SERINC5: variants seen among roughly 807,000 people sequenced by gnomAD.
SERINC5 encodes chromosome 5 open reading frame 12.
Under a neutral mutation model 63.1 loss-of-function variants are expected in SERINC5, and 41 were observed. The ratio of observed to expected loss-of-function variants is 0.65; its 90% CI spans 0.51 to 0.84. SERINC5 has a LOEUF of 0.84. Among genes scored for constraint, SERINC5 ranks in the 40% least tolerant of loss-of-function variants. The pLI, the probability that SERINC5 is intolerant of heterozygous loss-of-function variation, is 0.00. For synonymous variants in SERINC5, 222 were observed against 215.2 expected (o/e 1.03, Z -0.28); for missense variants, 523 against 573.0 (o/e 0.91, Z 0.89).
At chr5:80,248,288 G>T (rs78487637) in intron 1 of SERINC5, among the ~76,000 whole-genome samples, 16,449 of 152,226 alleles carry the variant, frequency 0.11, 1,074 homozygotes, top group Middle Eastern at 0.17. Context: ...AAATATAGGT[G>T]ACTTGAACGA....
In SERINC5 at chr5:80,142,795, T is replaced by G. The variant is rs1427734460; in HGVS notation, c.*868A>C. The G allele has an allele frequency of 1.0e-6, 1 of 985,338 alleles. No homozygotes were observed. Among genetic ancestry groups the G allele is most frequent in the African/African-American group, 1.7e-5 (1 of 57,250 alleles). The allele number at this position is 985,338 out of a possible 1,614,324, so 61.0% of individuals were successfully genotyped here. A position where few individuals can be genotyped will look rare whatever the true frequency, so the allele number is the denominator to read the frequency against. ...TTCAGTTAAGGTCCTAAAAGTATTA[T>G]CATTATCAACAGCACAAACAAGTAA... is the stretch of plus-strand genomic sequence containing the variant. On this transcript the variant is annotated 3_prime_UTR_variant, in exon 12 of 12. Transcript: ENST00000507668.
At chr5:80,215,378 A>G (rs547214538) in intron 1 of SERINC5, among the ~76,000 whole-genome samples, 2 of 152,322 alleles carry the variant, frequency 1.3e-5, no homozygotes, top group Non-Finnish European at 2.9e-5. Flanking sequence ...AGAACCTGCT[A>G]TGCTTCCTGT....
intron 1 of SERINC5, among the ~76,000 whole-genome samples, chr5:80,251,860 C>T (rs562223543): frequency 1.3e-3 from 67 of 50,330 alleles, no homozygotes; most frequent in African/African-American, 2.5e-3. Context: ...AGAATGTTGG[C>T]GCATCTGCCT....
chr5:80,188,740 T>A (rs1748995716), intron 2 of SERINC5, among the ~76,000 whole-genome samples: 1 of 151,996 alleles, frequency 6.6e-6, no homozygotes, highest in Non-Finnish European at 1.5e-5. Flanking sequence ...GTAAAAAAAT[T>A]GGCCAGGCAT....
chr5:80,117,851 A>G (rs1017057106), intron 11 of SERINC5, among the ~76,000 whole-genome samples: 3 of 151,778 alleles, frequency 2.0e-5, no homozygotes, highest in African/African-American at 4.9e-5. Flanking sequence ...TCCAATTTCT[A>G]CCTAGTCTTC....
intron 2 of SERINC5, among the ~76,000 whole-genome samples, chr5:80,199,380 T>C (rs1189262439): frequency 6.6e-6 from 1 of 152,116 alleles, no homozygotes; most frequent in African/African-American, 2.4e-5. Flanking sequence ...AGTAAGAAAA[T>C]ACAGGGAAAG....
chr5:80,204,504 T>C (rs567598161), intron 1 of SERINC5, among the ~76,000 whole-genome samples: 32 of 152,272 alleles, frequency 2.1e-4, no homozygotes, highest in Admixed American at 3.9e-4. Context: ...ACCTTGACCA[T>C]AGGACATGCA....
downstream of SERINC5, among the ~76,000 whole-genome samples, chr5:80,137,327 C>T (rs1169188735): frequency 6.6e-6 from 1 of 151,782 alleles, no homozygotes; most frequent in African/African-American, 2.4e-5. Flanking sequence ...AGAATCAGCC[C>T]GAGTGTCCAC....
intron 7 of SERINC5, among the ~76,000 whole-genome samples, chr5:80,164,576 G>T (rs571746478): frequency 2.6e-5 from 4 of 151,782 alleles, no homozygotes; most frequent in Non-Finnish European, 4.4e-5. Context: ...TAGGGACAGG[G>T]TTTCACCATG....
At chr5:80,186,126 GAAAAAAAAAAA>G (rs10554934) in intron 2 of SERINC5, among the ~76,000 whole-genome samples, 980 of 61,452 alleles carry the variant, frequency 0.016, 26 homozygotes, top group African/African-American at 0.044. Context: ...TTCTTGTTTT[GAAAAAAAAAAA>G]AAAAAAAAAA....
chr5:80,152,736 T>A (rs1410507122), intron 8 of SERINC5, among the ~76,000 whole-genome samples: 2 of 150,638 alleles, frequency 1.3e-5, no homozygotes, highest in African/African-American at 4.9e-5. Context: ...AGGTCAGGAG[T>A]TCCAGACCAG....
At chr5:80,217,149 TAA>T (rs2112529193) in intron 1 of SERINC5, among the ~76,000 whole-genome samples, 1 of 151,854 alleles carries the variant, frequency 6.6e-6, no homozygotes, top group East Asian at 1.9e-4. Flanking sequence ...TTAATTAAAA[TAA>T]GTTTATTTAA....
chr5:80,148,136 T>C (rs554611987), intron 9 of SERINC5, among the ~76,000 whole-genome samples: 1 of 151,680 alleles, frequency 6.6e-6, no homozygotes, highest in African/African-American at 2.4e-5. Flanking sequence ...TGGGCAGGGA[T>C]GGAGGGAATG....
chr5:80,129,602 C>T (rs1318949723), intron 11 of SERINC5, among the ~76,000 whole-genome samples: 7 of 152,150 alleles, frequency 4.6e-5, no homozygotes, highest in Non-Finnish European at 1.0e-4. Context: ...AGCCACTGTG[C>T]CTGGCAACAG....
chr5:80,122,213 A>ATATATAT (rs1554057292), intron 11 of SERINC5, among the ~76,000 whole-genome samples: 7 of 107,338 alleles, frequency 6.5e-5, no homozygotes, highest in African/African-American at 1.8e-4. Context: ...ATATATATAT[A>ATATATAT]ATATGAGTTT....
intron 1 of SERINC5, among the ~76,000 whole-genome samples, chr5:80,243,692 GC>G: frequency 6.6e-6 from 1 of 151,832 alleles, no homozygotes; most frequent in South Asian, 2.1e-4. Flanking sequence ...GATTGCTTAA[GC>G]CCAGGAGTTT....
At chr5:80,215,178 G>A (rs954792063) in intron 1 of SERINC5, among the ~76,000 whole-genome samples, 1 of 152,212 alleles carries the variant, frequency 6.6e-6, no homozygotes, top group Non-Finnish European at 1.5e-5. Context: ...GATTTCTGAT[G>A]AATGGTTTAC....
At chr5:80,174,672 G>A (rs1236567634) in intron 5 of SERINC5, among the ~76,000 whole-genome samples, 1 of 152,090 alleles carries the variant, frequency 6.6e-6, no homozygotes, top group Non-Finnish European at 1.5e-5. Flanking sequence ...GGGAGGCCGA[G>A]GTGGGCGGAT....
intron 1 of SERINC5, among the ~76,000 whole-genome samples, chr5:80,233,843 ACT>A (rs1375436530): frequency 8.6e-6 from 1 of 116,226 alleles, no homozygotes; most frequent in Non-Finnish European, 1.6e-5. Context: ...ACAGAGTCTC[ACT>A]CTGTCGCCCA....
Sources: allele counts gnomAD v4.1 joint callset (sites outside exome capture counted in the v4.1 genomes callset), GRCh38; gene constraint gnomAD v4.1.1; transcripts MANE v1.5; gene names NCBI Gene and HGNC (gene_info 2026-07-23, HGNC 2026-07-21).